The following MFSD2A variants were observed in gnomAD, a reference collection of about 807,000 sequenced individuals.
The protein encoded by MFSD2A is sodium-dependent lysophosphatidylcholine symporter 1.
Under a neutral mutation model 64.7 loss-of-function variants are expected in MFSD2A, and 27 were observed. That is an observed-to-expected ratio of 0.42 (90% confidence interval 0.31 to 0.58). MFSD2A has a LOEUF of 0.58. Among genes scored for constraint, MFSD2A ranks in the 20% least tolerant of loss-of-function variants. The pLI is 0.18. For synonymous variants in MFSD2A, 258 were observed against 273.4 expected (o/e 0.94, Z 0.55); for missense variants, 474 against 679.5 (o/e 0.70, Z 3.36).
rs1426761460 is a variant in MFSD2A, at chr1:39,958,654, G to A, written c.229-47G>A. 1.2e-6 allele frequency: 2 copies of A among 1,614,070 alleles called. No individual in the cohort carries two copies. The highest frequency in any genetic ancestry group is 1.7e-6 in the Non-Finnish European group (2 of 1,180,004). ...CTTCTGCCTACCAGTGAGAGTTGAG[G>A]CGAGTAGAAGGATGAGGAAGTTGTC... On this transcript the variant is annotated intron_variant, in intron 2 of 13. Transcript: ENST00000372811. The surrounding 1 kb of genome is among the most constrained non-coding windows in gnomAD (Gnocchi z 4.7).
In MFSD2A at chr1:39,967,147, A is replaced by G; in HGVS notation, c.989A>G (p.Gln330Arg). 3 of 1,613,976 alleles carry G rather than the reference A, an allele frequency of 1.9e-6. No homozygotes were observed. The highest frequency in any genetic ancestry group is 2.5e-6 in the Non-Finnish European group (3 of 1,179,964). The change falls in exon 9 of 14, where the codon CAG (glutamine) becomes CGG (arginine). Residue 330 changes from glutamine (Q) to arginine (R), a missense_variant. Coordinates refer to ENST00000372811, the MANE Select transcript of MFSD2A (RefSeq NM_032793.5). ...TYTLGFRNEFQNLLLAIMLSA... is the reference protein window; with the variant it reads ...TYTLGFRNEFRNLLLAIMLSA... ...ACCTTGGGCTTCCGCAATGAATTCCAGAATCTACTCCTGGCCATCATGGTG... is the reference window on the plus strand; with the variant it reads ...ACCTTGGGCTTCCGCAATGAATTCCGGAATCTACTCCTGGCCATCATGGTG...
At chr1:39,956,133 C>A (rs1644922617) in intron 1 of MFSD2A, among the ~76,000 whole-genome samples, 6 of 152,220 alleles carry the variant, frequency 3.9e-5, no homozygotes, top group Non-Finnish European at 7.3e-5. Flanking sequence ...GGCAACCCAA[C>A]CTCCCTAGTG....
chr1:39,956,353 C>G (rs1644928242), intron 1 of MFSD2A, among the ~76,000 whole-genome samples: 2 of 152,180 alleles, frequency 1.3e-5, no homozygotes, highest in African/African-American at 4.8e-5. Context: ...GGGCCGGGCC[C>G]CCGTAGCTCT....
intron 1 of MFSD2A, among the ~76,000 whole-genome samples, chr1:39,956,264 G>A (rs1644925654): frequency 6.6e-6 from 1 of 152,182 alleles, no homozygotes; most frequent in Non-Finnish European, 1.5e-5. Flanking sequence ...ACAGTTCCTG[G>A]GTCCGCCTGA....
At position 39,963,699 on chromosome 1, in the gene MFSD2A, A is replaced by C. The variant is rs1645094120; in HGVS notation, c.354-1512A>C. On this transcript the variant is annotated intron_variant, in intron 3 of 13. Transcript: ENST00000372811. This position sits in a 1 kb window ranked among gnomAD's most constrained non-coding sequence, Gnocchi z 4.2. Reference sequence around the variant, plus strand: ...CTAATATTTCTTTTTTGGGCAGTGCAGTTTTAACATTCCACATTAAGGATG... The same window carrying C: ...CTAATATTTCTTTTTTGGGCAGTGCCGTTTTAACATTCCACATTAAGGATG... 6.6e-6 allele frequency among the ~76,000 whole-genome samples: 1 copy of C among 152,150 alleles called. No homozygotes were observed. The highest frequency in any genetic ancestry group is 1.5e-5 in the Non-Finnish European group (1 of 68,022).
In MFSD2A at chr1:39,958,857, A is replaced by G; in HGVS notation, c.353+32A>G. On this transcript the variant is annotated intron_variant, in intron 3 of 13. Coordinates refer to ENST00000372811, the MANE Select transcript of MFSD2A (RefSeq NM_032793.5). The surrounding 1 kb of genome is among the most constrained non-coding windows in gnomAD (Gnocchi z 4.7). ...AGAATATGCCCCTTCGAGGTGGCAC[A>G]AGGCAGGACTTCCAGCATATCTGCT... 1 of 1,554,876 alleles carries G rather than the reference A, an allele frequency of 6.4e-7. No homozygotes were observed. The highest frequency in any genetic ancestry group is 8.7e-7 in the Non-Finnish European group (1 of 1,150,204).
intron 3 of MFSD2A, among the ~76,000 whole-genome samples, chr1:39,959,538 C>A (rs1644991845): frequency 6.6e-6 from 1 of 152,148 alleles, no homozygotes; most frequent in Non-Finnish European, 1.5e-5. Flanking sequence ...CAGGTGTGAG[C>A]CACCATGCCC....
At position 39,964,796 on chromosome 1, in the gene MFSD2A, T is replaced by C. The variant is rs1451787492; in HGVS notation, c.354-415T>C. 9.5e-6 allele frequency: 2 copies of C among 209,874 alleles called. No homozygotes were observed. Among genetic ancestry groups the C allele is most frequent in the African/African-American group, 4.7e-5 (2 of 42,786 alleles). 13.0% of individuals were successfully genotyped at this position (209,874 alleles called of 1,614,324 possible). A position where few individuals can be genotyped will look rare whatever the true frequency, so the allele number is the denominator to read the frequency against. ...TGTGTGAATGAGGTGTGTGTGTGAA[T>C]GGGGTGTGTGTGTGAATGGGGTGTG... On this transcript the variant is annotated intron_variant, in intron 3 of 13. Transcript: ENST00000372811. This position sits in a 1 kb window ranked among gnomAD's most constrained non-coding sequence, Gnocchi z 4.1.
In MFSD2A at chr1:39,966,855, G is replaced by A. The variant is rs763158075; in HGVS notation, c.850G>A (p.Gly284Ser). The A allele has an allele frequency of 3.1e-6, 5 of 1,613,826 alleles. No homozygotes were observed. The South Asian group carries it at 5.5e-5, about 18-fold the overall frequency. The change falls in exon 8 of 14, where the codon GGC becomes AGC. Residue 284 changes from glycine to serine, a missense_variant. Physicochemically the swap from Gly to Ser is moderately conservative, Grantham distance 56 (BLOSUM62 0). Transcript: ENST00000372811. Reference protein sequence around the residue: ...QQSEPIAYFRGLRLVMSHGPY... With the variant: ...QQSEPIAYFRSLRLVMSHGPY... The stretch of plus-strand genomic sequence containing the variant: ...GTCTGAGCCAATCGCCTACTTCCGG[G>A]GCCTACGGCTGGTCATGAGCCACGG...
Position 39,963,441 on chromosome 1 carries a change from G to GT in MFSD2A, c.354-1768dup, listed in dbSNP as rs2124770327. 1.9e-6 allele frequency: 1 copy of GT among 539,370 alleles called. No homozygotes were observed. Among genetic ancestry groups the GT allele is most frequent in the East Asian group, 2.9e-5 (1 of 34,328 alleles). 33.4% of individuals were successfully genotyped at this position (539,370 alleles called of 1,614,324 possible). A position where few individuals can be genotyped will look rare whatever the true frequency, so the allele number is the denominator to read the frequency against. ...AAGAGAAGTAAAGTGAATTAAGCCT[G>GT]TTAAAAAAAAAATGTTTACGAGACA... On this transcript the variant is annotated intron_variant, in intron 3 of 13. Coordinates refer to ENST00000372811, the MANE Select transcript of MFSD2A (RefSeq NM_032793.5). This position sits in a 1 kb window ranked among gnomAD's most constrained non-coding sequence, Gnocchi z 4.2.
In MFSD2A at chr1:39,955,209, C is replaced by G; in HGVS notation, c.-84C>G. On this transcript the variant is annotated 5_prime_UTR_variant, in exon 1 of 14. Coordinates refer to ENST00000372811, the MANE Select transcript of MFSD2A (RefSeq NM_032793.5). This position sits in a 1 kb window ranked among gnomAD's most constrained non-coding sequence, Gnocchi z 5.9. Reference sequence around the variant, plus strand: ...GCGGCGGCCGTGGCTAAGGCTGCTACGAAGCGAGCTTGGGAGGAGCAGCGG... The same window carrying G: ...GCGGCGGCCGTGGCTAAGGCTGCTAGGAAGCGAGCTTGGGAGGAGCAGCGG... The G allele has an allele frequency of 4.2e-6, 5 of 1,191,824 alleles. No individual in the cohort carries two copies. Among genetic ancestry groups the G allele is most frequent in the Non-Finnish European group, 5.4e-6 (5 of 927,780 alleles). 73.8% of individuals were successfully genotyped at this position (1,191,824 alleles called of 1,614,324 possible).
intron 1 of MFSD2A, among the ~76,000 whole-genome samples, chr1:39,956,657 A>C (rs1237386832): frequency 6.6e-6 from 1 of 152,070 alleles, no homozygotes; most frequent in Non-Finnish European, 1.5e-5. Context: ...CCCCTTTTCC[A>C]TGTTCCTAAG....
At chr1:39,961,535 G>A (rs1645044000) in intron 3 of MFSD2A, among the ~76,000 whole-genome samples, 1 of 151,812 alleles carries the variant, frequency 6.6e-6, no homozygotes, top group South Asian at 2.1e-4. Context: ...TTTTAGTAGA[G>A]ACGAGGTTTC....
Position 39,955,535 on chromosome 1 carries a change from TG to T in MFSD2A, c.93+153del. 1 of 858,634 alleles carries T rather than the reference TG, an allele frequency of 1.2e-6. No individual in the cohort carries two copies. Among genetic ancestry groups the T allele is most frequent in the Non-Finnish European group, 1.9e-6 (1 of 530,954 alleles). 53.2% of individuals were successfully genotyped at this position (858,634 alleles called of 1,614,324 possible). A position where few individuals can be genotyped will look rare whatever the true frequency, so the allele number is the denominator to read the frequency against. ...AGCCAGAGAGGACCTGGGGGTGCCC[TG>T]GGACAGGGGGTGACGGAGAAAAGCT... On this transcript the variant is annotated intron_variant, in intron 1 of 13. Transcript: ENST00000372811. This position sits in a 1 kb window ranked among gnomAD's most constrained non-coding sequence, Gnocchi z 5.9.
intron 6 of MFSD2A, 74 bp downstream of exon 6, chr1:39,966,088 G>A: frequency 6.6e-7 from 1 of 1,512,572 alleles, no homozygotes; most frequent in Non-Finnish European, 9.1e-7. Flanking sequence ...CCTAAAGATA[G>A]TAACAGCTAG....
chr1:39,957,312 C>T, intron 2 of MFSD2A, 91 bp downstream of exon 2: 3 of 1,333,280 alleles, frequency 2.3e-6, no homozygotes, highest in Non-Finnish European at 3.0e-6. Context: ...TTTTCCCCAT[C>T]TGTGAAATGG....
chr1:39,959,810 T>C (rs1209599038), intron 3 of MFSD2A, among the ~76,000 whole-genome samples: 3 of 152,218 alleles, frequency 2.0e-5, no homozygotes, highest in Non-Finnish European at 2.9e-5. Context: ...CTAAGTGCTA[T>C]GATGACCACT....
At position 39,963,078 on chromosome 1, in the gene MFSD2A, C is replaced by T. The variant is rs538061712; in HGVS notation, c.354-2133C>T. ...CTGGGGGAACAAGATCAGCAAGCCCCACACCGTCCCTTGCAAGGTGACAGG... is the reference window on the plus strand; with the variant it reads ...CTGGGGGAACAAGATCAGCAAGCCCTACACCGTCCCTTGCAAGGTGACAGG... On this transcript the variant is annotated intron_variant, in intron 3 of 13. Transcript: ENST00000372811. This position sits in a 1 kb window ranked among gnomAD's most constrained non-coding sequence, Gnocchi z 4.2. 74 of 1,389,738 alleles carry T rather than the reference C, an allele frequency of 5.3e-5. 1 individual carries two copies. The South Asian group carries it at 8.4e-4, about 16-fold the overall frequency. 86.1% of individuals were successfully genotyped at this position (1,389,738 alleles called of 1,614,324 possible). A position where few individuals can be genotyped will look rare whatever the true frequency, so the allele number is the denominator to read the frequency against.
At chr1:39,956,689 G>A (rs1415996258) in intron 1 of MFSD2A, among the ~76,000 whole-genome samples, 2 of 151,984 alleles carry the variant, frequency 1.3e-5, no homozygotes, top group African/African-American at 4.8e-5. Context: ...CCTTTCTTTT[G>A]TATAAAGTGG....
Sources: gnomAD v4.1 joint callset for allele counts (sites outside exome capture counted in the v4.1 genomes callset) on GRCh38, gnomAD v4.1.1 for gene constraint, Gnocchi (gnomAD v3.1) non-coding constraint, MANE v1.5 for transcripts, NCBI Gene and HGNC (gene_info 2026-07-23, HGNC 2026-07-21) for gene names.